The following WWOX variants were observed in gnomAD, a reference collection of about 807,000 sequenced individuals.
WWOX encodes WW domain-containing oxidoreductase.
Under a neutral mutation model 46.2 loss-of-function variants are expected in WWOX, and 69 were observed. The ratio of observed to expected loss-of-function variants is 1.49; its 90% CI spans 1.23 to 1.82. The LOEUF is 1.82. Among genes scored for constraint, WWOX ranks in the 40% most tolerant of loss-of-function variants. The pLI is 0.00. For missense variants in WWOX, 919 were observed against 542.6 expected (o/e 1.69, Z -6.89); for synonymous variants, 359 against 202.6 (o/e 1.77, Z -6.56).
chr16:78,115,251 T>A, intron 4 of WWOX, 97 bp downstream of exon 4: 2 of 1,395,328 alleles, frequency 1.4e-6, no homozygotes, highest in Non-Finnish European at 2.0e-6. Flanking sequence ...TTCTCTGATT[T>A]AAACATGACT....
chr16:79,081,166 A>T (rs1341789507), intron 8 of WWOX, among the ~76,000 whole-genome samples: 2 of 152,084 alleles, frequency 1.3e-5, no homozygotes, highest in African/African-American at 2.4e-5. Context: ...CTGAGAGAAC[A>T]AGTCTATGTT....
At chr16:78,160,254 T>C (rs946049525) in intron 4 of WWOX, among the ~76,000 whole-genome samples, 1 of 151,968 alleles carries the variant, frequency 6.6e-6, no homozygotes, top group African/African-American at 2.4e-5. Flanking sequence ...ATGATCATCC[T>C]CCTGAGTAGC....
chr16:78,624,571 C>G (rs920992281), intron 8 of WWOX, among the ~76,000 whole-genome samples: 6 of 152,086 alleles, frequency 3.9e-5, no homozygotes, highest in Admixed American at 3.3e-4. Context: ...ACAGACTAAT[C>G]TAATAGCATA....
At chr16:78,640,671 G>A (rs1376129448) in intron 8 of WWOX, among the ~76,000 whole-genome samples, 1 of 152,176 alleles carries the variant, frequency 6.6e-6, no homozygotes, top group Non-Finnish European at 1.5e-5. Flanking sequence ...GGGCATGGTG[G>A]CTCACGCCTG....
intron 8 of WWOX, among the ~76,000 whole-genome samples, chr16:78,488,084 G>A (rs958168799): frequency 1.3e-5 from 2 of 152,196 alleles, no homozygotes; most frequent in African/African-American, 4.8e-5. Context: ...TATTTTCTGA[G>A]CTGTGGAGCA....
At chr16:78,995,565 A>G (rs375663958) in intron 8 of WWOX, among the ~76,000 whole-genome samples, 3 of 148,520 alleles carry the variant, frequency 2.0e-5, no homozygotes, top group East Asian at 3.9e-4. Context: ...CTGTCTTTAT[A>G]AAAAAAAAAG....
intron 8 of WWOX, among the ~76,000 whole-genome samples, chr16:79,040,440 A>G (rs2151409251): frequency 6.6e-6 from 1 of 151,970 alleles, no homozygotes; most frequent in African/African-American, 2.4e-5. Context: ...TGGCCAGATA[A>G]TTGTTTTGCA....
At chr16:78,622,793 G>C (rs959078172) in intron 8 of WWOX, among the ~76,000 whole-genome samples, 2 of 152,154 alleles carry the variant, frequency 1.3e-5, no homozygotes, top group African/African-American at 2.4e-5. Context: ...ATACCATTAA[G>C]GTCTTACATG....
At chr16:78,504,218 T>C (rs926992991) in intron 8 of WWOX, among the ~76,000 whole-genome samples, 1 of 152,196 alleles carries the variant, frequency 6.6e-6, no homozygotes, top group Non-Finnish European at 1.5e-5. Flanking sequence ...TGAAATCATG[T>C]ATTCTCTAGG....
At chr16:78,775,870 G>A (rs1487368325) in intron 8 of WWOX, among the ~76,000 whole-genome samples, 1 of 152,166 alleles carries the variant, frequency 6.6e-6, no homozygotes, top group Non-Finnish European at 1.5e-5. Context: ...TTGGATGTTG[G>A]TAAACAGTAT....
rs1447458774 is a variant in WWOX at position 79,069,817 on chromosome 16, G to A, written c.1057-141791G>A. On this transcript the variant is annotated intron_variant, in intron 8 of 8. Transcript: ENST00000566780. Reference sequence around the variant, plus strand: ...GGGGTTAACCTGTGTTTTGCTAACTGGTGTTAGTTAGTCTCAGATAAGAGC... The same window carrying A: ...GGGGTTAACCTGTGTTTTGCTAACTAGTGTTAGTTAGTCTCAGATAAGAGC... Among the ~76,000 whole-genome samples the A allele has an allele frequency of 3.3e-5, 5 of 152,102 alleles. 1 individual carries two copies. In the East Asian group the frequency reaches 7.7e-4, roughly 23 times the overall value.
chr16:78,158,355 A>G (rs2034673556), intron 4 of WWOX, among the ~76,000 whole-genome samples: 1 of 152,156 alleles, frequency 6.6e-6, no homozygotes, highest in Non-Finnish European at 1.5e-5. Flanking sequence ...TTGTTATTGT[A>G]CTGTACTCTA....
At chr16:78,728,781 G>C (rs141400977) in intron 8 of WWOX, among the ~76,000 whole-genome samples, 31 of 152,238 alleles carry the variant, frequency 2.0e-4, no homozygotes, top group African/African-American at 7.2e-4. Context: ...AAGTGACATT[G>C]TGTCCTTGTC....
intron 5 of WWOX, among the ~76,000 whole-genome samples, chr16:78,254,383 C>G (rs1373089784): frequency 6.6e-6 from 1 of 151,744 alleles, no homozygotes; most frequent in Non-Finnish European, 1.5e-5. Context: ...CCACACCCAG[C>G]TGAATTCTTC....
At chr16:78,221,915 C>T (rs1417878093) in intron 5 of WWOX, among the ~76,000 whole-genome samples, 2 of 152,138 alleles carry the variant, frequency 1.3e-5, no homozygotes, top group Non-Finnish European at 2.9e-5. Flanking sequence ...CCCTATTTGT[C>T]TTCCTTATAC....
At chr16:78,517,835 A>AG (rs2043269691) in intron 8 of WWOX, among the ~76,000 whole-genome samples, 1 of 151,040 alleles carries the variant, frequency 6.6e-6, no homozygotes, top group Non-Finnish European at 1.5e-5. Flanking sequence ...AAAAAAAAAA[A>AG]GAATGATGTT....
At chr16:79,148,851 GT>G (rs1357057911) in intron 8 of WWOX, among the ~76,000 whole-genome samples, 1 of 152,112 alleles carries the variant, frequency 6.6e-6, no homozygotes, top group African/African-American at 2.4e-5. Context: ...TGAGTTTTGT[GT>G]GTTGATCTTG....
intron 8 of WWOX, among the ~76,000 whole-genome samples, chr16:78,647,385 C>G (rs970672396): frequency 3.3e-5 from 5 of 152,134 alleles, no homozygotes; most frequent in African/African-American, 9.7e-5. Flanking sequence ...GCTGCTGGTT[C>G]TCATTGCTTC....
At chr16:78,859,463 G>C (rs1243417682) in intron 8 of WWOX, among the ~76,000 whole-genome samples, 1 of 152,106 alleles carries the variant, frequency 6.6e-6, no homozygotes, top group East Asian at 1.9e-4. Context: ...TTTTTTTACA[G>C]TGTTAAAAAT....
Sources: gnomAD v4.1 joint callset for allele counts (sites outside exome capture counted in the v4.1 genomes callset) on GRCh38, gnomAD v4.1.1 for gene constraint, MANE v1.5 for transcripts, NCBI Gene and HGNC (gene_info 2026-07-23, HGNC 2026-07-21) for gene names.